Variants in JOSD2 observed in about 807,000 individuals in gnomAD.
JOSD2 encodes Josephin domain containing 2, also known as josephin-2.
A neutral mutation model predicts 19.3 loss-of-function variants in JOSD2; 20 were observed. That is an observed-to-expected ratio of 1.04 (90% CI 0.73 to 1.51). The LOEUF (loss-of-function observed/expected upper bound fraction) is 1.51, where lower values mean the gene tolerates loss of function less well. Among genes scored for constraint, JOSD2 ranks in the 40% most tolerant of loss-of-function variants. JOSD2 has a pLI of 0.00. For synonymous variants in JOSD2, 118 were observed against 123.7 expected (o/e 0.95, Z 0.31); for missense variants, 215 against 250.4 (o/e 0.86, Z 0.95).
chr19:50,510,339 G>C lies in JOSD2; in HGVS notation c.93C>G (p.Asn31Lys). Residue 31 changes from asparagine to lysine, a missense_variant, in exon 2 of 5, where the codon AAC (asparagine) becomes AAG (lysine). Physicochemically the swap from Asn to Lys is moderately conservative, Grantham distance 94. Coordinates refer to ENST00000598418, the MANE Select transcript of JOSD2 (RefSeq NM_001270639.2). ...LELCAVHALN[N>K]VLQQQLFSQE... ...GGCTAAAGAGCTGCTGCTGCAGAAC[G>C]TTGTTGAGGGCGTGGACAGCACACA... The C allele has an allele frequency of 2.5e-6, 4 of 1,613,548 alleles. No homozygotes were observed. The highest frequency in any genetic ancestry group is 3.4e-6 in the Non-Finnish European group (4 of 1,179,978).
chr19:50,506,125 A>AG lies in JOSD2; in HGVS notation c.*47dup. On this transcript the variant is annotated 3_prime_UTR_variant, in exon 5 of 5. Transcript: ENST00000598418. ...CCAGGCATGCAGTGTGCGCAGCCGGAGGGGGATGCGCAGGGACTGCGCTGT... is the reference window on the plus strand; with the variant it reads ...CCAGGCATGCAGTGTGCGCAGCCGGAGGGGGGATGCGCAGGGACTGCGCTGT... 2 of 1,558,868 alleles carry AG rather than the reference A, an allele frequency of 1.3e-6. No individual in the cohort carries two copies. The highest frequency in any genetic ancestry group is 2.7e-5 in the African/African-American group (2 of 73,964).
Position 50,506,112 on chromosome 19 carries a change from T to TGTGCGCAGCCGGAGGGGG in JOSD2, c.*43_*60dup, listed in dbSNP as rs1979308495. 1 of 1,509,822 alleles carries TGTGCGCAGCCGGAGGGGG rather than the reference T, an allele frequency of 6.6e-7. No individual in the cohort carries two copies. The highest frequency in any genetic ancestry group is 9.1e-7 in the Non-Finnish European group (1 of 1,096,444). 93.5% of individuals were successfully genotyped at this position (1,509,822 alleles called of 1,614,324 possible). On this transcript the variant is annotated 3_prime_UTR_variant, in exon 5 of 5. Coordinates refer to ENST00000598418, the MANE Select transcript of JOSD2 (RefSeq NM_001270639.2). Reference sequence around the variant, plus strand: ...GTGCTGGCCTTTCCCAGGCATGCAGTGTGCGCAGCCGGAGGGGGATGCGCA... The same window carrying TGTGCGCAGCCGGAGGGGG: ...GTGCTGGCCTTTCCCAGGCATGCAGTGTGCGCAGCCGGAGGGGGGTGCGCAGCCGGAGGGGGATGCGCA...
chr19:50,506,139 G>A lies in JOSD2; in HGVS notation c.*34C>T. 2 of 1,591,268 alleles carry A rather than the reference G, an allele frequency of 1.3e-6. No homozygotes were observed. Among genetic ancestry groups the A allele is most frequent in the Non-Finnish European group, 1.7e-6 (2 of 1,162,122 alleles). On this transcript the variant is annotated 3_prime_UTR_variant, in exon 5 of 5. Transcript: ENST00000598418. ...TGCGCAGCCGGAGGGGGATGCGCAG[G>A]GACTGCGCTGTGGGCGCCGATGGTC...
Position 50,510,976 on chromosome 19 carries a change from CT to C in JOSD2, c.-18+140del, listed in dbSNP as rs1305837720. The C allele has an allele frequency of 7.5e-6, 3 of 401,794 alleles. No individual in the cohort carries two copies. The Admixed American group carries it at 8.1e-5, about 11-fold the overall frequency. 24.9% of individuals were successfully genotyped at this position (401,794 alleles called of 1,614,324 possible). On this transcript the variant is annotated intron_variant, in intron 1 of 4. Transcript: ENST00000598418. ...TCTTGTCACCTGGCAACGGGGCCCC[CT>C]CCCCAGTCACTAAGCAACAGGAGTT...
At chr19:50,510,794 A>G (rs1037127398) in intron 1 of JOSD2, among the ~76,000 whole-genome samples, 8 of 151,720 alleles carry the variant, frequency 5.3e-5, no homozygotes, top group Non-Finnish European at 1.2e-4. Flanking sequence ...CCTAGCAACA[A>G]AGCCCCCTCC....
intron 3 of JOSD2, 142 bp downstream of exon 3, chr19:50,507,432 C>T (rs1979442061): frequency 8.4e-7 from 1 of 1,189,782 alleles, no homozygotes; most frequent in South Asian, 1.5e-5. Flanking sequence ...TGATCTCCCC[C>T]TTTCAACCCA....
In JOSD2 at chr19:50,506,238, A is replaced by G. The variant is rs1437143522; in HGVS notation, c.502T>C (p.Cys168Arg). 2 of 1,612,746 alleles carry G rather than the reference A, an allele frequency of 1.2e-6. No homozygotes were observed. Among genetic ancestry groups the G allele is most frequent in the Non-Finnish European group, 1.7e-6 (2 of 1,179,864 alleles). Residue 168 changes from cysteine (C) to arginine (R), a missense_variant, in exon 5 of 5, where the codon TGC becomes CGC. Coordinates refer to ENST00000598418, the MANE Select transcript of JOSD2 (RefSeq NM_001270639.2). ...FLAAALAQGL[C>R]EVLLVVTKEV... ...TTGGTCACTACCAGCAGCACCTCGC[A>G]CAGGCCCTGGGCCAGCGCAGCCGCC...
intron 2 of JOSD2, among the ~76,000 whole-genome samples, chr19:50,508,540 C>T (rs1979523667): frequency 6.6e-6 from 1 of 151,294 alleles, no homozygotes. Context: ...GTGCCCACCG[C>T]CTCCCGCCCC....
At chr19:50,510,244 C>T (rs1197186643) in intron 2 of JOSD2, 42 bp downstream of exon 2, 2 of 1,612,406 alleles carry the variant, frequency 1.2e-6, no homozygotes, top group Non-Finnish European at 1.7e-6. Context: ...GTCACTCCGC[C>T]AGAGCTCTGC....
intron 2 of JOSD2, among the ~76,000 whole-genome samples, chr19:50,509,851 A>C (rs1294122262): frequency 6.6e-6 from 1 of 151,878 alleles, no homozygotes; most frequent in Non-Finnish European, 1.5e-5. Context: ...CAGGAGATTG[A>C]GACCATCCCG....
intron 2 of JOSD2, among the ~76,000 whole-genome samples, chr19:50,508,694 C>T (rs571654022): frequency 3.8e-4 from 50 of 132,356 alleles, no homozygotes; most frequent in African/African-American, 1.3e-3. Context: ...GGGAGGAAAA[C>T]GCTCGTGTGT....
intron 2 of JOSD2, 50 bp from the exon 3 acceptor site, chr19:50,507,749 C>T: frequency 6.3e-7 from 1 of 1,576,010 alleles, no homozygotes; most frequent in Non-Finnish European, 8.6e-7. Context: ...GGAAAGGCCT[C>T]CCCACAAAAT....
chr19:50,509,906 A>G (rs1979640015), intron 2 of JOSD2, among the ~76,000 whole-genome samples: 1 of 151,870 alleles, frequency 6.6e-6, no homozygotes, highest in South Asian at 2.1e-4. Flanking sequence ...ACAAAAAATT[A>G]GCCGGGCGTG....
chr19:50,510,007 G>A (rs982775942), intron 2 of JOSD2: 3 of 303,950 alleles, frequency 9.9e-6, no homozygotes, highest in Admixed American at 6.0e-5. Flanking sequence ...GAGCGAGATC[G>A]CGCAACTGCA....
At position 50,507,790 on chromosome 19, in the gene JOSD2, C is replaced by G. The variant is rs573803775; in HGVS notation, c.147-91G>C. ...TCCCAGGGGCCACAAGTTGCCTCAG[C>G]CTTTGACTCTCCCCGCTTCAGACCC... On this transcript the variant is annotated intron_variant, in intron 2 of 4. Transcript: ENST00000598418. 76 of 1,483,428 alleles carry G rather than the reference C, an allele frequency of 5.1e-5. No homozygotes were observed. The East Asian group carries it at 1.5e-3, about 28-fold the overall frequency. 91.9% of individuals were successfully genotyped at this position (1,483,428 alleles called of 1,614,324 possible).
At position 50,506,406 on chromosome 19, in the gene JOSD2, C is replaced by T. The variant is rs371435438; in HGVS notation, c.439G>A (p.Glu147Lys). Residue 147 changes from glutamate to lysine, a missense_variant, in exon 4 of 5, where the codon GAG (glutamate) becomes AAG (lysine). Transcript: ENST00000598418. ...ACTCCGTCCTCATCCCCCAGGGCCT[C>T]GGGCGCCCGCAGCTTGGAGTCCAGG... ...YNLDSKLRAP[E>K]ALGDEDGVRA... The T allele has an allele frequency of 1.9e-5, 30 of 1,605,512 alleles. No homozygotes were observed. Among genetic ancestry groups the T allele is most frequent in the East Asian group, 1.1e-4 (5 of 44,542 alleles).
rs780288146 is a variant in JOSD2, at chr19:50,511,079, G to T, written c.-18+38C>A. On this transcript the variant is annotated intron_variant, in intron 1 of 4. Coordinates refer to ENST00000598418, the MANE Select transcript of JOSD2 (RefSeq NM_001270639.2). ...GAGCCCTTCGCCGACCCGCACCCCAGCCACGGCGCTCGCCCTTTGCCTGGC... is the reference window on the plus strand; with the variant it reads ...GAGCCCTTCGCCGACCCGCACCCCATCCACGGCGCTCGCCCTTTGCCTGGC... 8.9e-6 allele frequency: 4 copies of T among 451,654 alleles called. No homozygotes were observed. In the East Asian group the frequency reaches 2.2e-4, roughly 25 times the overall value. The allele number at this position is 451,654 out of a possible 1,614,324, so 28.0% of individuals were successfully genotyped here. A position where few individuals can be genotyped will look rare whatever the true frequency, so the allele number is the denominator to read the frequency against.
rs994664360 is a variant in JOSD2 at position 50,506,049 on chromosome 19, G to A, written c.*124C>T. On this transcript the variant is annotated 3_prime_UTR_variant, in exon 5 of 5. Transcript: ENST00000598418. The stretch of plus-strand genomic sequence containing the variant: ...GCAGCAGCGGCAGTGGGGAGCAGGG[G>A]TGTGGGGAGGGGGCGGGGCCTCCCC... The A allele has an allele frequency of 1.2e-6, 1 of 839,342 alleles. No individual in the cohort carries two copies. Among genetic ancestry groups the A allele is most frequent in the Non-Finnish European group, 1.9e-6 (1 of 536,476 alleles). 52.0% of individuals were successfully genotyped at this position (839,342 alleles called of 1,614,324 possible). A position where few individuals can be genotyped will look rare whatever the true frequency, so the allele number is the denominator to read the frequency against.
intron 1 of JOSD2, 141 bp from the exon 2 acceptor site, chr19:50,510,589 C>T (rs1291586446): frequency 4.4e-5 from 31 of 708,078 alleles, no homozygotes; most frequent in Non-Finnish European, 7.1e-5. Context: ...GACCCCGCTC[C>T]CTGGCAGTCT....
Sources: allele counts gnomAD v4.1 joint callset (sites outside exome capture counted in the v4.1 genomes callset), GRCh38; gene constraint gnomAD v4.1.1; transcripts MANE v1.5; gene names NCBI Gene and HGNC (gene_info 2026-07-23, HGNC 2026-07-21).